Variants in SAMMSON observed in about 807,000 individuals in gnomAD.
The protein encoded by SAMMSON is survival associated mitochondrial melanoma specific oncogenic non-coding RNA.
intron 7 of SAMMSON, among the ~76,000 whole-genome samples, chr3:70,323,303 GC>G (rs1176997283): frequency 1.3e-5 from 2 of 152,076 alleles, no homozygotes; most frequent in Non-Finnish European, 2.9e-5. Flanking sequence ...TAAGTGGCAG[GC>G]CTTAGTGATC....
intron 6 of SAMMSON, among the ~76,000 whole-genome samples, chr3:70,249,937 T>G (rs1257821295): frequency 1.3e-5 from 2 of 152,180 alleles, no homozygotes; most frequent in African/African-American, 2.4e-5. Flanking sequence ...GTACTCCAAG[T>G]GGCCTCTGTT....
chr3:70,145,036 G>C (rs777822014), intron 4 of SAMMSON, among the ~76,000 whole-genome samples: 2 of 152,060 alleles, frequency 1.3e-5, no homozygotes, highest in Non-Finnish European at 2.9e-5. Flanking sequence ...TTTAGAATCT[G>C]TTACCCATCT....
At chr3:70,282,741 TA>T (rs1282622038) in intron 6 of SAMMSON, among the ~76,000 whole-genome samples, 1 of 152,212 alleles carries the variant, frequency 6.6e-6, no homozygotes, top group African/African-American at 2.4e-5. Flanking sequence ...TCACCAGACT[TA>T]CCACAGACTT....
At chr3:70,061,596 A>T (rs1402385828) in intron 3 of SAMMSON, among the ~76,000 whole-genome samples, 2 of 152,088 alleles carry the variant, frequency 1.3e-5, no homozygotes, top group Admixed American at 1.3e-4. Context: ...AGTTTGCCTC[A>T]ATCCCCACCA....
At chr3:70,310,351 AT>A (rs1391429736) in intron 7 of SAMMSON, among the ~76,000 whole-genome samples, 1 of 151,666 alleles carries the variant, frequency 6.6e-6, no homozygotes, top group Non-Finnish European at 1.5e-5. Context: ...TATTTTTATT[AT>A]TTTTAATTTT....
At chr3:70,274,292 T>C (rs1702001619) in intron 6 of SAMMSON, among the ~76,000 whole-genome samples, 1 of 152,082 alleles carries the variant, frequency 6.6e-6, no homozygotes, top group South Asian at 2.1e-4. Context: ...AGCTTTTGAT[T>C]GCAGATAAAT....
At chr3:70,186,724 A>T (rs79819778) in intron 4 of SAMMSON, among the ~76,000 whole-genome samples, 1 of 152,218 alleles carries the variant, frequency 6.6e-6, no homozygotes, top group African/African-American at 2.4e-5. Context: ...TGTGATGGGA[A>T]ACAAATATCA....
At chr3:70,417,310 AAGAGCCATAGAC>A in intron 2 of SAMMSON, among the ~76,000 whole-genome samples, 1 of 152,274 alleles carries the variant, frequency 6.6e-6, no homozygotes, top group Non-Finnish European at 1.5e-5. Context: ...CATTAACTTA[AAGAGCCATAGAC>A]AGAACAAGAT....
intron 3 of SAMMSON, among the ~76,000 whole-genome samples, chr3:70,021,802 T>C (rs1346655112): frequency 6.6e-6 from 1 of 152,184 alleles, no homozygotes; most frequent in African/African-American, 2.4e-5. Flanking sequence ...AAATCTGTTT[T>C]TTTGGAAGCA....
intron 4 of SAMMSON, among the ~76,000 whole-genome samples, chr3:70,218,028 A>G (rs1701431340): frequency 6.6e-6 from 1 of 152,158 alleles, no homozygotes; most frequent in South Asian, 2.1e-4. Flanking sequence ...GGAGCAAATC[A>G]TATGCTTATT....
At chr3:70,247,165 T>C (rs1333345951) in intron 4 of SAMMSON, among the ~76,000 whole-genome samples, 1 of 152,044 alleles carries the variant, frequency 6.6e-6, no homozygotes, top group African/African-American at 2.4e-5. Context: ...ATTTTTCTCC[T>C]TTTTTCTAAC....
intron 3 of SAMMSON, among the ~76,000 whole-genome samples, chr3:70,042,134 A>G (rs963595136): frequency 3.9e-5 from 6 of 152,128 alleles, no homozygotes; most frequent in Admixed American, 1.3e-4. Flanking sequence ...GGTTGCACAT[A>G]TCCCTCATTT....
At chr3:70,090,880 A>C (rs2067302709) in intron 4 of SAMMSON, among the ~76,000 whole-genome samples, 1 of 152,142 alleles carries the variant, frequency 6.6e-6, no homozygotes, top group African/African-American at 2.4e-5. Context: ...GCTTAAAAAT[A>C]ATTATTTACT....
intron 4 of SAMMSON, among the ~76,000 whole-genome samples, chr3:70,173,622 A>G (rs1700980020): frequency 6.6e-6 from 1 of 151,972 alleles, no homozygotes; most frequent in African/African-American, 2.4e-5. Flanking sequence ...TAATTTTTGC[A>G]AAAGTTTTAA....
At chr3:70,146,141 GTAATTTCAATAGTCTTC>G (rs1167107793) in intron 4 of SAMMSON, among the ~76,000 whole-genome samples, 1 of 151,986 alleles carries the variant, frequency 6.6e-6, no homozygotes, top group Non-Finnish European at 1.5e-5. Context: ...TACAAAGTGG[GTAATTTCAATAGTCTTC>G]TACTATTAAA....
intron 9 of SAMMSON, among the ~76,000 whole-genome samples, chr3:70,359,600 A>G (rs1459621439): frequency 6.6e-6 from 1 of 152,178 alleles, no homozygotes. Context: ...TATCACTATT[A>G]TTTTAAACTA....
Position 70,126,495 on chromosome 3 carries a change from C to T in SAMMSON, n.507+54930C>T, listed in dbSNP as rs933216464. ...TTCAGCAAGTCCTCTTTCTCCTCAG[C>T]GGTCAGCTCAGCTGGCAGGTGCCTC... On this transcript the variant is annotated intron_variant and non_coding_transcript_variant, in intron 4 of 9. Coordinates refer to ENST00000642114, the Ensembl canonical transcript of SAMMSON. 7.6e-5 allele frequency: 48 copies of T among 632,060 alleles called. No homozygotes were observed. The Middle Eastern group carries it at 9.5e-4, about 13-fold the overall frequency. The allele number at this position is 632,060 out of a possible 1,614,324, so 39.2% of individuals were successfully genotyped here.
chr3:70,250,458 A>G (rs1351314491), intron 6 of SAMMSON, among the ~76,000 whole-genome samples: 1 of 148,466 alleles, frequency 6.7e-6, no homozygotes, highest in Admixed American at 6.7e-5. Context: ...CACAAACACA[A>G]ACCTCAGAAT....
At chr3:70,019,482 A>G (rs1259012615) in intron 3 of SAMMSON, among the ~76,000 whole-genome samples, 2 of 152,140 alleles carry the variant, frequency 1.3e-5, no homozygotes, top group Admixed American at 1.3e-4. Context: ...GTGTCTCTGC[A>G]CTTGAGATGG....
Sources: gnomAD v4.1 joint callset for allele counts (sites outside exome capture counted in the v4.1 genomes callset) on GRCh38, gnomAD v4.1.1 for gene constraint, MANE v1.5 for transcripts, NCBI Gene and HGNC (gene_info 2026-07-23, HGNC 2026-07-21) for gene names.